Variants in DCHS1 observed in about 807,000 individuals in gnomAD.
DCHS1 encodes protocadherin-16.
In DCHS1, 78 loss-of-function variants were observed where a neutral mutation model predicts 213.9. That is an observed-to-expected ratio of 0.36 (90% CI 0.30 to 0.44). The LOEUF (loss-of-function observed/expected upper bound fraction) is 0.44. DCHS1 is among the 20% of genes least tolerant of loss of function. DCHS1 has a pLI of 1.00. For missense variants in DCHS1, 3,946 were observed against 4,395.9 expected (o/e 0.90, Z 2.89); for synonymous variants, 1,828 against 1,873.7 (o/e 0.98, Z 0.63).
intron 1 of DCHS1, among the ~76,000 whole-genome samples, chr11:6,651,084 C>T (rs961389099): frequency 6.6e-6 from 1 of 152,168 alleles, no homozygotes; most frequent in Admixed American, 6.5e-5. Context: ...CTGTGTGGGA[C>T]CCTGAGTCAC....
At position 6,640,578 on chromosome 11, in the gene DCHS1, C is replaced by A; in HGVS notation, c.1036G>T (p.Ala346Ser). The A allele has an allele frequency of 6.2e-7, 1 of 1,608,556 alleles. No homozygotes were observed. Among genetic ancestry groups the A allele is most frequent in the East Asian group, 2.2e-5 (1 of 44,878 alleles). ...TCTCGCACATGCACAGTCACAAAGGCCGAGCCCAGCTCAGGGTGAGCCCCA... is the reference window on the plus strand; with the variant it reads ...TCTCGCACATGCACAGTCACAAAGGACGAGCCCAGCTCAGGGTGAGCCCCA... ...DGGAHPELGS[A>S]FVTVHVRDAN... The change falls in exon 2 of 21, where the codon GCC becomes TCC. Residue 346 changes from alanine to serine, a missense_variant. By Grantham distance (99) the Ala-to-Ser change is moderately conservative. Transcript: ENST00000299441. This position sits in a 1 kb window ranked among gnomAD's most constrained non-coding sequence, Gnocchi z 6.5.
chr11:6,646,062 C>T (rs1053976920), intron 1 of DCHS1, among the ~76,000 whole-genome samples: 1 of 152,062 alleles, frequency 6.6e-6, no homozygotes, highest in Non-Finnish European at 1.5e-5. Context: ...CAGAAAGACA[C>T]TTTCTCATGG....
In DCHS1 at chr11:6,632,599, C is replaced by A; in HGVS notation, c.2913G>T (p.Arg971=). 6.6e-7 allele frequency: 1 copy of A among 1,520,492 alleles called. No individual in the cohort carries two copies. The highest frequency in any genetic ancestry group is 8.9e-7 in the Non-Finnish European group (1 of 1,129,736). 94.2% of individuals were successfully genotyped at this position (1,520,492 alleles called of 1,614,324 possible). ...GPAHELELEA[R]DGGSPPRTSH... is the part of the protein sequence containing the mutation. ...TGGTGCGTGGTGGGGAGCCCCCATC[C>A]CGGGCCTCCAGCTCCAGCTCATGGG... Residue 971 remains arginine, a synonymous_variant, in exon 6 of 21, where the codon CGG becomes CGT. Coordinates refer to ENST00000299441, the MANE Select transcript of DCHS1 (RefSeq NM_003737.4). This position sits in a 1 kb window ranked among gnomAD's most constrained non-coding sequence, Gnocchi z 5.9.
At position 6,623,725 on chromosome 11, in the gene DCHS1, C is replaced by G; in HGVS notation, c.7951G>C (p.Glu2651Gln). ...VSSGDPSGLF[E>Q]LDESSGTLRL... Reference sequence around the variant, plus strand: ...AAGGTGCCTGAGCTCTCATCCAGCTCAAAGAGCCCTGATGGGTCGCCTGAG... The same window carrying G: ...AAGGTGCCTGAGCTCTCATCCAGCTGAAAGAGCCCTGATGGGTCGCCTGAG... Residue 2651 changes from glutamate (E) to glutamine (Q), a missense_variant, in exon 21 of 21, where the codon GAG becomes CAG. Physicochemically the swap from Glu to Gln is conservative, Grantham distance 29 (BLOSUM62 2). This residue lies in a region of DCHS1 where 3,384 missense variants were observed against 3,780.1 expected (regional missense o/e 0.90). Coordinates refer to ENST00000299441, the MANE Select transcript of DCHS1 (RefSeq NM_003737.4). 6.2e-7 allele frequency: 1 copy of G among 1,613,882 alleles called. No individual in the cohort carries two copies. The highest frequency in any genetic ancestry group is 8.5e-7 in the Non-Finnish European group (1 of 1,179,898).
intron 5 of DCHS1, 121 bp downstream of exon 5, chr11:6,633,291 A>C: frequency 8.8e-7 from 1 of 1,140,248 alleles, no homozygotes; most frequent in Middle Eastern, 2.8e-4. Flanking sequence ...GCATTGGTAC[A>C]GGAGTGTTTT....
At chr11:6,642,775 G>A (rs1856098278) in intron 1 of DCHS1, among the ~76,000 whole-genome samples, 1 of 152,148 alleles carries the variant, frequency 6.6e-6, no homozygotes, top group South Asian at 2.1e-4. Context: ...AAGGAGGAGT[G>A]CCAGAATATG....
Position 6,628,755 on chromosome 11 carries a change from T to G in DCHS1, c.5237A>C (p.Asp1746Ala). 1 of 1,613,988 alleles carries G rather than the reference T, an allele frequency of 6.2e-7. No individual in the cohort carries two copies. Among genetic ancestry groups the G allele is most frequent in the Non-Finnish European group, 8.5e-7 (1 of 1,179,884 alleles). ...TVRVAVEDENDHAPTFGSAHL... is the reference protein window; with the variant it reads ...TVRVAVEDENAHAPTFGSAHL... Reference sequence around the variant, plus strand: ...GGCACTCCCAAAGGTTGGTGCATGGTCATTCTCATCCTCCACAGCCACTCG... The same window carrying G: ...GGCACTCCCAAAGGTTGGTGCATGGGCATTCTCATCCTCCACAGCCACTCG... Residue 1746 changes from aspartate to alanine, a missense_variant, in exon 13 of 21, where the codon GAC becomes GCC. Physicochemically the swap from Asp to Ala is moderately radical, Grantham distance 126. Transcript: ENST00000299441. This position sits in a 1 kb window ranked among gnomAD's most constrained non-coding sequence, Gnocchi z 4.3.
In DCHS1 at chr11:6,640,025, A is replaced by G; in HGVS notation, c.1589T>C (p.Ile530Thr). ...ATAGTCCAGTGAGGCAGCCGTAGTG[A>G]TAATGCCTGAGGTGGGGTCAATGGA... is the stretch of plus-strand genomic sequence containing the variant. ...WFSIDPTSGI[I>T]TTAASLDYEL... The change falls in exon 2 of 21, where the codon ATC (isoleucine) becomes ACC (threonine). Residue 530 changes from isoleucine to threonine, a missense_variant. Transcript: ENST00000299441. The surrounding 1 kb of genome is among the most constrained non-coding windows in gnomAD (Gnocchi z 6.5). 2 of 1,613,938 alleles carry G rather than the reference A, an allele frequency of 1.2e-6. No homozygotes were observed. The highest frequency in any genetic ancestry group is 1.7e-6 in the Non-Finnish European group (2 of 1,179,808).
chr11:6,654,987 G>C (rs1229428891), intron 1 of DCHS1, among the ~76,000 whole-genome samples: 1 of 126,042 alleles, frequency 7.9e-6, no homozygotes, highest in South Asian at 2.4e-4. Context: ...AACACGTCTG[G>C]GTGACCCCCC....
chr11:6,654,886 C>T (rs544246416), intron 1 of DCHS1, among the ~76,000 whole-genome samples: 209 of 152,248 alleles, frequency 1.4e-3, no homozygotes, highest in African/African-American at 4.9e-3. Flanking sequence ...GTGGGACCCA[C>T]GCCTGCGGTG....
At position 6,629,789 on chromosome 11, in the gene DCHS1, C is replaced by T; in HGVS notation, c.4918G>A (p.Ala1640Thr). 1 of 1,613,520 alleles carries T rather than the reference C, an allele frequency of 6.2e-7. No homozygotes were observed. Among genetic ancestry groups the T allele is most frequent in the Non-Finnish European group, 8.5e-7 (1 of 1,179,892 alleles). ...GTAGGCGCCTCGTCGTTGACGTCAG[C>T]GACACTGACGGTCAGGACCTGCGTG... ...SATQVLTVSV[A>T]DVNDEAPTFQ... The change falls in exon 11 of 21, where the codon GCT becomes ACT. Residue 1640 changes from alanine to threonine, a missense_variant. Physicochemically the swap from Ala to Thr is moderately conservative, Grantham distance 58. Around this residue, in one of 3 missense-constraint regions of DCHS1, gnomAD observed 3,384 missense variants for 3,780.1 expected, o/e 0.90. Transcript: ENST00000299441.
At position 6,629,900 on chromosome 11, in the gene DCHS1, C is replaced by G. The variant is rs754045774; in HGVS notation, c.4807G>C (p.Val1603Leu). The G allele has an allele frequency of 1.2e-6, 2 of 1,612,394 alleles. No individual in the cohort carries two copies. The highest frequency in any genetic ancestry group is 1.7e-6 in the Non-Finnish European group (2 of 1,179,212). Residue 1603 changes from valine (V) to leucine (L), a missense_variant, in exon 11 of 21, where the codon GTG (valine) becomes CTG (leucine). Val to Leu is a conservative substitution (Grantham distance 32, BLOSUM62 1). Around this residue, in one of 3 missense-constraint regions of DCHS1, gnomAD observed 3,384 missense variants for 3,780.1 expected, o/e 0.90. Coordinates refer to ENST00000299441, the MANE Select transcript of DCHS1 (RefSeq NM_003737.4). ...RLHSSTGALS[V>L]VRPLDREQRA... is the part of the protein sequence containing the mutation. ...TGTTCGCGGTCCAACGGCCGCACCA[C>G]GGACAGCGCTCCTAGGTGAGCGGTA...
chr11:6,626,362 G>A lies in DCHS1; in HGVS notation c.6383C>T (p.Ser2128Leu), dbSNP rs1243722339. The change falls in exon 16 of 21, where the codon TCA (serine) becomes TTA (leucine). Residue 2128 changes from serine (S) to leucine (L), a missense_variant. Ser to Leu is a moderately radical substitution (Grantham distance 145). Transcript: ENST00000299441. This position sits in a 1 kb window ranked among gnomAD's most constrained non-coding sequence, Gnocchi z 5.2. The part of the protein sequence containing the change: ...QPSTGAITVR[S>L]AEGLDFEVSP... ...CACCTCGAAGTCTAGCCCCTCTGCT[G>A]AGCGAACTGTGATGGCACCTGGGCG... The A allele has an allele frequency of 6.2e-7, 1 of 1,613,456 alleles. No homozygotes were observed. Among genetic ancestry groups the A allele is most frequent in the Non-Finnish European group, 8.5e-7 (1 of 1,179,668 alleles).
In DCHS1 at chr11:6,622,632, G is replaced by A. The variant is rs893819999; in HGVS notation, c.9044C>T (p.Ala3015Val). The change falls in exon 21 of 21, where the codon GCT becomes GTT. Residue 3015 changes from alanine (A) to valine (V), a missense_variant. Around this residue, in one of 3 missense-constraint regions of DCHS1, gnomAD observed 554 missense variants for 590.2 expected, o/e 0.94. Transcript: ENST00000299441. This position sits in a 1 kb window ranked among gnomAD's most constrained non-coding sequence, Gnocchi z 5.4. ...GCCACCACGGGGGTAGGGTCCTCCA[G>A]CTCCTGGCCCACCATAGCTGGGAAG... Reference protein sequence around the residue: ...QTLPSYGGPGAGGPYPRGGSL... With the variant: ...QTLPSYGGPGVGGPYPRGGSL... 6.3e-6 allele frequency: 10 copies of A among 1,586,720 alleles called. No individual in the cohort carries two copies. Among genetic ancestry groups the A allele is most frequent in the Admixed American group, 3.6e-5 (2 of 55,892 alleles).
chr11:6,622,377 G>T lies in DCHS1; in HGVS notation c.9299C>A (p.Pro3100Gln), dbSNP rs1270159653. Residue 3100 changes from proline (P) to glutamine (Q), a missense_variant, in exon 21 of 21, where the codon CCA becomes CAA. Pro to Gln is a moderately conservative substitution (Grantham distance 76). This residue lies in a region of DCHS1 where 554 missense variants were observed against 590.2 expected (regional missense o/e 0.94). Coordinates refer to ENST00000299441, the MANE Select transcript of DCHS1 (RefSeq NM_003737.4). The surrounding 1 kb of genome is among the most constrained non-coding windows in gnomAD (Gnocchi z 5.4). ...TCTGTAGAGAGTGGCTCCTGCACCT[G>T]GCAGCAGCAGCCCTGCCTTTCGGCC... is the stretch of plus-strand genomic sequence containing the variant. ...YKGRKAGLLLPGAGATLYREE... is the reference protein window; with the variant it reads ...YKGRKAGLLLQGAGATLYREE... The T allele has an allele frequency of 5.7e-6, 9 of 1,566,480 alleles. No homozygotes were observed. The highest frequency in any genetic ancestry group is 6.9e-6 in the Non-Finnish European group (8 of 1,155,488).
chr11:6,646,697 G>A (rs753734923), intron 1 of DCHS1, among the ~76,000 whole-genome samples: 34 of 152,114 alleles, frequency 2.2e-4, no homozygotes, highest in Non-Finnish European at 4.9e-4. Context: ...TTGGTCCTCT[G>A]ACTCCATCCT....
rs553403365 is a variant in DCHS1 at position 6,653,667 on chromosome 11, C to G, written c.-121+1896G>C. On this transcript the variant is annotated intron_variant, in intron 1 of 20. Coordinates refer to ENST00000299441, the MANE Select transcript of DCHS1 (RefSeq NM_003737.4). ...AGAAGTATGAATTTATAGAAGCGTCCCCTGGTGTGGTTGAGAAATCATTCT... is the reference window on the plus strand; with the variant it reads ...AGAAGTATGAATTTATAGAAGCGTCGCCTGGTGTGGTTGAGAAATCATTCT... Among the ~76,000 whole-genome samples, 4 of 152,120 alleles carry G rather than the reference C, an allele frequency of 2.6e-5. No homozygotes were observed. The East Asian group carries it at 7.7e-4, about 29-fold the overall frequency.
chr11:6,645,021 G>C (rs751249607), intron 1 of DCHS1, among the ~76,000 whole-genome samples: 1 of 152,236 alleles, frequency 6.6e-6, no homozygotes, highest in African/African-American at 2.4e-5. Flanking sequence ...TGAGCCCCAG[G>C]CTGCGCATTA....
At position 6,633,816 on chromosome 11, in the gene DCHS1, G is replaced by A. The variant is rs142192726; in HGVS notation, c.2191C>T (p.Pro731Ser). 3 of 1,613,776 alleles carry A rather than the reference G, an allele frequency of 1.9e-6. No homozygotes were observed. The highest frequency in any genetic ancestry group is 8.5e-7 in the Non-Finnish European group (1 of 1,179,878). ...GATTGCTCATCCAAGGTAAAAAGTG[G>A]GGGGCTGTTGCCAGCCAGGATATGG... ...SYHILAGNSP[P>S]LFTLDEQSGL... is the part of the protein sequence containing the mutation. Residue 731 changes from proline (P) to serine (S), a missense_variant, in exon 4 of 21, where the codon CCA (proline) becomes TCA (serine). Physicochemically the swap from Pro to Ser is moderately conservative, Grantham distance 74 (BLOSUM62 -1). Around this residue, in one of 3 missense-constraint regions of DCHS1, gnomAD observed 3,384 missense variants for 3,780.1 expected, o/e 0.90. Coordinates refer to ENST00000299441, the MANE Select transcript of DCHS1 (RefSeq NM_003737.4).
Sources: allele counts gnomAD v4.1 joint callset (sites outside exome capture counted in the v4.1 genomes callset), GRCh38; gene constraint gnomAD v4.1.1; regional missense constraint gnomAD v4.1.1; non-coding constraint Gnocchi (gnomAD v3.1); transcripts MANE v1.5; gene names NCBI Gene and HGNC (gene_info 2026-07-23, HGNC 2026-07-21).